Variants in GMDS observed in about 807,000 individuals in gnomAD.
GMDS encodes the protein GDP-mannose 4,6 dehydratase.
A neutral mutation model predicts 49.9 loss-of-function variants in GMDS; 20 were observed. The observed-to-expected ratio is 0.40, with a 90% confidence interval of 0.28 to 0.58. The LOEUF (loss-of-function observed/expected upper bound fraction) is 0.58, where lower values mean the gene tolerates loss of function less well. GMDS is among the 20% of genes least tolerant of loss of function. The probability of loss-of-function intolerance (pLI) is 0.42; values close to 1 mark genes in which losing one functional copy is unlikely to be tolerated. For missense variants in GMDS, 362 were observed against 481.4 expected (o/e 0.75, Z 2.32); for synonymous variants, 177 against 178.6 (o/e 0.99, Z 0.07).
At chr6:1,932,407 G>A (rs1437546218) in intron 6 of GMDS, among the ~76,000 whole-genome samples, 1 of 152,084 alleles carries the variant, frequency 6.6e-6, no homozygotes, top group African/African-American at 2.4e-5. Context: ...CATTCAAATC[G>A]AGAGCTATAT....
chr6:1,664,490 A>G (rs1248869874), intron 9 of GMDS, among the ~76,000 whole-genome samples: 1 of 152,218 alleles, frequency 6.6e-6, no homozygotes, highest in African/African-American at 2.4e-5. Flanking sequence ...GAGAGGCGTG[A>G]GATGAATGAG....
intron 4 of GMDS, among the ~76,000 whole-genome samples, chr6:1,969,151 G>A (rs2449971): frequency 0.61 from 90,934 of 149,760 alleles, 27,691 homozygotes; most frequent in East Asian, 0.65. Flanking sequence ...AGTCCCAGCT[G>A]CTTGGGAGGC....
At chr6:1,934,308 A>G (rs1762424293) in intron 6 of GMDS, among the ~76,000 whole-genome samples, 1 of 152,216 alleles carries the variant, frequency 6.6e-6, no homozygotes, top group African/African-American at 2.4e-5. Context: ...AAAATTAGGA[A>G]GTATGAGTTC....
chr6:1,937,817 T>C (rs965788310), intron 6 of GMDS, among the ~76,000 whole-genome samples: 1 of 152,160 alleles, frequency 6.6e-6, no homozygotes, highest in Non-Finnish European at 1.5e-5. Flanking sequence ...CAGGTTCAGA[T>C]ATTAGGATGT....
rs192998461 is a variant in GMDS, at chr6:1,714,893, C to T, written c.987+11523G>A. Among the ~76,000 whole-genome samples, 6 of 152,334 alleles carry T rather than the reference C, an allele frequency of 3.9e-5. No individual in the cohort carries two copies. The East Asian group carries it at 9.7e-4, about 25-fold the overall frequency. ...ATGCCCTAGTGGTCTAAGGGTGGAG[C>T]CGGGCTGCAGTGGCTGTAATATGGC... On this transcript the variant is annotated intron_variant, in intron 9 of 10. Coordinates refer to ENST00000380815, the MANE Select transcript of GMDS (RefSeq NM_001500.4).
At position 1,737,975 on chromosome 6, in the gene GMDS, TACAC is replaced by T. The variant is rs370340563; in HGVS notation, c.890+4489_890+4492del. 9.0e-3 allele frequency among the ~76,000 whole-genome samples: 973 copies of T among 108,672 alleles called. 13 individuals are homozygous for T. Among genetic ancestry groups the T allele is most frequent in the African/African-American group, 0.035 (934 of 26,616 alleles). The allele number at this position is 108,672 out of a possible 152,430, so 71.3% of individuals were successfully genotyped here. On this transcript the variant is annotated intron_variant, in intron 8 of 10. Transcript: ENST00000380815. ...AGATACACACATACATACACACACA[TACAC>T]ACACACCACAAACACACCACACACA... is the stretch of plus-strand genomic sequence containing the variant.
chr6:2,047,004 T>C (rs1417246028), intron 4 of GMDS, among the ~76,000 whole-genome samples: 1 of 152,184 alleles, frequency 6.6e-6, no homozygotes, highest in African/African-American at 2.4e-5. Flanking sequence ...ACTCATGAAT[T>C]TGTGCAGCAC....
chr6:1,652,415 AT>A (rs1763690066), intron 9 of GMDS, among the ~76,000 whole-genome samples: 2 of 29,168 alleles, frequency 6.9e-5, no homozygotes, highest in African/African-American at 2.7e-4. Flanking sequence ...TATATTATAT[AT>A]AATATATATA....
intron 9 of GMDS, among the ~76,000 whole-genome samples, chr6:1,685,093 T>C (rs956688467): frequency 2.6e-5 from 4 of 151,776 alleles, no homozygotes; most frequent in Non-Finnish European, 5.9e-5. Context: ...TTGAGACACT[T>C]GAATTAAAAA....
intron 4 of GMDS, among the ~76,000 whole-genome samples, chr6:2,092,796 AC>A (rs1014563933): frequency 4.6e-5 from 7 of 152,236 alleles, no homozygotes; most frequent in Non-Finnish European, 5.9e-5. Context: ...AACAGTAAAA[AC>A]AAAAAATTCA....
chr6:1,893,167 G>T (rs1456537184), intron 7 of GMDS, among the ~76,000 whole-genome samples: 1 of 150,464 alleles, frequency 6.6e-6, no homozygotes, highest in African/African-American at 2.4e-5. Context: ...GAGAACAACA[G>T]TTTCTCATCT....
chr6:1,918,696 C>A (rs1373320123), intron 7 of GMDS, among the ~76,000 whole-genome samples: 1 of 152,084 alleles, frequency 6.6e-6, no homozygotes, highest in African/African-American at 2.4e-5. Flanking sequence ...CTGCAGTGAG[C>A]CAAAATCATG....
At chr6:1,899,706 A>T (rs1413540415) in intron 7 of GMDS, among the ~76,000 whole-genome samples, 2 of 152,212 alleles carry the variant, frequency 1.3e-5, no homozygotes, top group Non-Finnish European at 2.9e-5. Flanking sequence ...AACATGACCT[A>T]ATCTTTATGA....
intron 1 of GMDS, among the ~76,000 whole-genome samples, chr6:2,192,864 G>A (rs1184726903): frequency 6.6e-6 from 1 of 152,222 alleles, no homozygotes; most frequent in Non-Finnish European, 1.5e-5. Flanking sequence ...CCAAGTGGGA[G>A]GAACAAGCCC....
intron 9 of GMDS, among the ~76,000 whole-genome samples, chr6:1,710,556 C>T (rs952870489): frequency 3.3e-5 from 5 of 152,176 alleles, no homozygotes; most frequent in African/African-American, 1.2e-4. Context: ...AACCAAAACA[C>T]ACGTCTGCCC....
At chr6:1,928,358 T>C (rs1488772004) in intron 7 of GMDS, among the ~76,000 whole-genome samples, 2 of 144,416 alleles carry the variant, frequency 1.4e-5, no homozygotes, top group Non-Finnish European at 3.1e-5. Flanking sequence ...AGCGAGACTC[T>C]GCCTTAAGAA....
At chr6:1,992,941 C>A (rs992941898) in intron 4 of GMDS, among the ~76,000 whole-genome samples, 2 of 152,096 alleles carry the variant, frequency 1.3e-5, no homozygotes, top group Non-Finnish European at 1.5e-5. Context: ...GCACTTCCCA[C>A]AAAAAGCACA....
Position 1,657,666 on chromosome 6 carries a change from C to A in GMDS, c.988-33126G>T, listed in dbSNP as rs1211933512. Among the ~76,000 whole-genome samples, 5 of 152,076 alleles carry A rather than the reference C, an allele frequency of 3.3e-5. No homozygotes were observed. The East Asian group carries it at 7.7e-4, about 23-fold the overall frequency. On this transcript the variant is annotated intron_variant, in intron 9 of 10. Coordinates refer to ENST00000380815, the MANE Select transcript of GMDS (RefSeq NM_001500.4). ...ACCAGATTTCCTGTCCTAAGTATTCCTGTGGGAGCAGCAACCATGTGGGCG... is the reference window on the plus strand; with the variant it reads ...ACCAGATTTCCTGTCCTAAGTATTCATGTGGGAGCAGCAACCATGTGGGCG...
intron 8 of GMDS, among the ~76,000 whole-genome samples, chr6:1,726,764 G>T (rs1766607106): frequency 6.6e-6 from 1 of 152,164 alleles, no homozygotes; most frequent in South Asian, 2.1e-4. Context: ...TGAGACTTTA[G>T]AAATGAACAG....
Sources: allele counts gnomAD v4.1 joint callset (sites outside exome capture counted in the v4.1 genomes callset), GRCh38; gene constraint gnomAD v4.1.1; transcripts MANE v1.5; gene names NCBI Gene and HGNC (gene_info 2026-07-23, HGNC 2026-07-21).